Variants in PDE1C observed in about 807,000 individuals in gnomAD.
PDE1C encodes the protein phosphodiesterase 1C, also known as dual specificity calcium/calmodulin-dependent 3',5'-cyclic nucleotide phosphodiesterase 1C.
Under a neutral mutation model 93.1 loss-of-function variants are expected in PDE1C, and 62 were observed. The ratio of observed to expected loss-of-function variants is 0.67; its 90% CI spans 0.54 to 0.82. PDE1C has a LOEUF of 0.82. Ranked by LOEUF, PDE1C falls within the 40% of genes least tolerant of loss-of-function variation. PDE1C has a pLI of 0.00. For synonymous variants in PDE1C, 325 were observed against 310.1 expected, an observed-to-expected ratio of 1.05 and a Z score of -0.50; for missense variants, 742 against 884.6, an observed-to-expected ratio of 0.84 and a Z score of 2.04.
At chr7:32,211,104 G>T (rs935839345) in intron 1 of PDE1C, among the ~76,000 whole-genome samples, 1 of 152,140 alleles carries the variant, frequency 6.6e-6, no homozygotes, top group African/African-American at 2.4e-5. Context: ...AGCTACTCGG[G>T]AGGCTGAGGC....
intron 1 of PDE1C, chr7:32,052,323 T>C (rs1793499217): frequency 2.1e-6 from 1 of 485,330 alleles, no homozygotes; most frequent in African/African-American, 1.9e-5. Context: ...TCTTAATCTA[T>C]CACATGAAGC....
intron 1 of PDE1C, among the ~76,000 whole-genome samples, chr7:32,066,155 G>T (rs1170156826): frequency 6.6e-6 from 1 of 152,182 alleles, no homozygotes; most frequent in African/African-American, 2.4e-5. Context: ...GGACTCTAAT[G>T]CTTCTGTTTG....
At chr7:31,650,994 G>A in the PDE1C span, 1 of 735,916 alleles carries the variant, frequency 1.4e-6, no homozygotes, top group Non-Finnish European at 2.1e-6. Flanking sequence ...CCAAATATTG[G>A]GCTCTTCCTA....
At chr7:32,389,740 G>A (rs558315167) in intron 1 of PDE1C, among the ~76,000 whole-genome samples, 1 of 152,276 alleles carries the variant, frequency 6.6e-6, no homozygotes, top group East Asian at 1.9e-4. Context: ...AAGTAATGAC[G>A]ACTTATCAGG....
rs1483595326 is a variant in PDE1C at position 32,085,180 on chromosome 7, G to A, written c.308+84605C>T. 5.3e-5 allele frequency among the ~76,000 whole-genome samples: 8 copies of A among 151,870 alleles called. No homozygotes were observed. The South Asian group carries it at 6.3e-4, about 12-fold the overall frequency. On this transcript the variant is annotated intron_variant, in intron 3 of 18. Transcript: ENST00000396193. ...AAATGATAAAGGAGATATCACCACG[G>A]ATCCCACAGAAATACAAACTACCAT...
chr7:32,145,369 C>T (rs926284691), intron 3 of PDE1C, among the ~76,000 whole-genome samples: 2 of 152,126 alleles, frequency 1.3e-5, no homozygotes, highest in African/African-American at 4.8e-5. Flanking sequence ...TGACACGTTC[C>T]AGACCATCCA....
At chr7:31,920,716 C>T (rs1229084268) in intron 2 of PDE1C, among the ~76,000 whole-genome samples, 2 of 152,132 alleles carry the variant, frequency 1.3e-5, no homozygotes, top group African/African-American at 2.4e-5. Flanking sequence ...TGTATACTCC[C>T]CTGGCTCCCT....
At chr7:31,726,754 C>T in the PDE1C span, among the ~76,000 whole-genome samples, 1 of 152,172 alleles carries the variant, frequency 6.6e-6, no homozygotes, top group Non-Finnish European at 1.5e-5. Flanking sequence ...AAGATGTGGC[C>T]AGGCACAGTG....
chr7:31,947,980 C>T (rs746335039), intron 2 of PDE1C, among the ~76,000 whole-genome samples: 7 of 152,118 alleles, frequency 4.6e-5, no homozygotes, highest in Non-Finnish European at 8.8e-5. Flanking sequence ...AGAGATTTAC[C>T]TCTATTTTTA....
At chr7:31,783,474 G>C (rs1024555212) in intron 16 of PDE1C, 1 of 151,978 alleles carries the variant, frequency 6.6e-6, no homozygotes, top group Non-Finnish European at 1.5e-5. Context: ...GGACAACAAT[G>C]GGAAACATTC....
At chr7:32,365,514 G>T (rs1025750841) in intron 1 of PDE1C, among the ~76,000 whole-genome samples, 1 of 152,134 alleles carries the variant, frequency 6.6e-6, no homozygotes, top group Non-Finnish European at 1.5e-5. Flanking sequence ...CAGCCGAGAA[G>T]ATATGCAACC....
chr7:32,374,307 GAAGA>G (rs1784398227), intron 1 of PDE1C, among the ~76,000 whole-genome samples: 5 of 144,218 alleles, frequency 3.5e-5, no homozygotes, highest in African/African-American at 2.6e-5. Context: ...AAGAAAGAAA[GAAGA>G]AAAGAAAAGA....
intron 1 of PDE1C, among the ~76,000 whole-genome samples, chr7:32,311,141 T>C (rs1783029123): frequency 6.6e-6 from 1 of 152,142 alleles, no homozygotes; most frequent in African/African-American, 2.4e-5. Context: ...GCAAATAAAC[T>C]AGAAAATCTA....
chr7:32,106,096 C>T (rs191516393), intron 3 of PDE1C, among the ~76,000 whole-genome samples: 7 of 152,242 alleles, frequency 4.6e-5, no homozygotes, highest in Admixed American at 2.6e-4. Context: ...ACTACAGCCT[C>T]GACCTCCTGG....
the PDE1C span, chr7:31,651,195 G>T: frequency 2.2e-5 from 35 of 1,613,540 alleles, no homozygotes; most frequent in South Asian, 3.7e-4. Context: ...GTTTCCGGGA[G>T]TATTTAGAAG....
chr7:32,201,537 G>A (rs1270758970), intron 2 of PDE1C, among the ~76,000 whole-genome samples: 2 of 152,206 alleles, frequency 1.3e-5, no homozygotes, highest in Non-Finnish European at 2.9e-5. Context: ...AAAGGAGTAG[G>A]ACGTGAGATG....
chr7:31,669,233 G>T, the PDE1C span, among the ~76,000 whole-genome samples: 2 of 152,122 alleles, frequency 1.3e-5, no homozygotes, highest in African/African-American at 4.8e-5. Context: ...AAATGCTGTA[G>T]ATTTTTTTTC....
intron 3 of PDE1C, among the ~76,000 whole-genome samples, chr7:32,099,048 A>G (rs1054941825): frequency 6.6e-6 from 1 of 152,244 alleles, no homozygotes; most frequent in Non-Finnish European, 1.5e-5. Flanking sequence ...CATTAAAAAT[A>G]AATAATTTTA....
chr7:31,814,760 A>G (rs1788015867), intron 15 of PDE1C, among the ~76,000 whole-genome samples: 1 of 150,156 alleles, frequency 6.7e-6, no homozygotes, highest in Non-Finnish European at 1.5e-5. Flanking sequence ...TTTTACTATC[A>G]TGAGTATTAC....
Sources: allele counts gnomAD v4.1 joint callset (sites outside exome capture counted in the v4.1 genomes callset), GRCh38; gene constraint gnomAD v4.1.1; transcripts MANE v1.5; gene names NCBI Gene and HGNC (gene_info 2026-07-23, HGNC 2026-07-21).